The following CLVS1 variants were observed in gnomAD, a reference collection of about 807,000 sequenced individuals.
CLVS1 encodes clavesin-1.
CLVS1 carries 10 observed loss-of-function variants against 33.1 expected under a neutral mutation model. The observed-to-expected ratio is 0.30, with a 90% CI of 0.19 to 0.51. CLVS1 has a LOEUF of 0.51. Among genes scored for constraint, CLVS1 ranks in the 20% least tolerant of loss-of-function variants. The probability of loss-of-function intolerance (pLI) is 0.97; values close to 1 mark genes in which losing one functional copy is unlikely to be tolerated. For synonymous variants in CLVS1, 163 were observed against 166.1 expected, an observed-to-expected ratio of 0.98 and a Z score of 0.14; for missense variants, 343 against 433.4, an observed-to-expected ratio of 0.79 and a Z score of 1.85.
chr8:61,046,546 G>A, the CLVS1 span, among the ~76,000 whole-genome samples: 1 of 145,196 alleles, frequency 6.9e-6, no homozygotes, highest in African/African-American at 2.7e-5. Flanking sequence ...GTAGCTTGAT[G>A]GGGATGTCAT....
intron 2 of CLVS1, among the ~76,000 whole-genome samples, chr8:61,215,249 T>A (rs1392896019): frequency 6.6e-6 from 1 of 152,334 alleles, no homozygotes; most frequent in African/African-American, 2.4e-5. Flanking sequence ...TTTTAAGCTG[T>A]ATTAAATATC....
chr8:61,095,469 G>A (rs976437594), intron 1 of CLVS1, among the ~76,000 whole-genome samples: 3 of 152,156 alleles, frequency 2.0e-5, no homozygotes, highest in African/African-American at 7.2e-5. Flanking sequence ...CACACAGGGC[G>A]CGCCTAGGAG....
chr8:61,461,244 A>C (rs1313959446), intron 5 of CLVS1, among the ~76,000 whole-genome samples: 1 of 152,226 alleles, frequency 6.6e-6, no homozygotes, highest in Non-Finnish European at 1.5e-5. Flanking sequence ...TGAGTTATCC[A>C]ATTGGAAACT....
chr8:61,434,985 A>G (rs553364969), intron 3 of CLVS1, among the ~76,000 whole-genome samples: 1 of 152,336 alleles, frequency 6.6e-6, no homozygotes, highest in East Asian at 1.9e-4. Flanking sequence ...TTGTGTCACA[A>G]TGTTATGCCA....
At chr8:60,972,682 C>A in the CLVS1 span, among the ~76,000 whole-genome samples, 73 of 152,314 alleles carry the variant, frequency 4.8e-4, no homozygotes, top group Non-Finnish European at 7.8e-4. Flanking sequence ...TTGTGGCCCC[C>A]ACCCATAAGT....
intron 5 of CLVS1, chr8:61,458,758 T>A: frequency 2.2e-6 from 1 of 449,246 alleles, no homozygotes; most frequent in Non-Finnish European, 3.9e-6. Flanking sequence ...AAAGGAATAG[T>A]TAAAGGCTAG....
At chr8:61,323,494 C>G (rs963120594) in intron 2 of CLVS1, among the ~76,000 whole-genome samples, 3 of 152,084 alleles carry the variant, frequency 2.0e-5, no homozygotes, top group African/African-American at 7.2e-5. Context: ...CTATCCTTTG[C>G]CCAAAATAAT....
intron 3 of CLVS1, among the ~76,000 whole-genome samples, chr8:61,407,099 T>C (rs902726645): frequency 6.7e-5 from 10 of 148,550 alleles, no homozygotes; most frequent in South Asian, 2.1e-4. Flanking sequence ...ATGGTGTACA[T>C]TACATCGCAC....
rs113164114 is a variant in CLVS1 at position 61,412,020 on chromosome 8, A to T, written c.630+35241A>T. On this transcript the variant is annotated intron_variant, in intron 3 of 5. Transcript: ENST00000325897. ...GGGGCAGGGAAGCCTTCACTGAGAC[A>T]GGGTGAAGGCCAGGGCTGGCCAGTG... Among the ~76,000 whole-genome samples the T allele has an allele frequency of 4.9e-3, 753 of 152,310 alleles. 4 individuals carry two copies. Among genetic ancestry groups the T allele is most frequent in the African/African-American group, 0.017 (686 of 41,574 alleles).
chr8:61,217,009 T>A (rs1474104516), intron 2 of CLVS1, among the ~76,000 whole-genome samples: 2 of 152,190 alleles, frequency 1.3e-5, no homozygotes, highest in Non-Finnish European at 2.9e-5. Context: ...TCATCACTCA[T>A]CTAGGTCTAA....
chr8:61,305,856 G>C (rs763997719), intron 2 of CLVS1, among the ~76,000 whole-genome samples: 3 of 152,118 alleles, frequency 2.0e-5, no homozygotes, highest in Non-Finnish European at 4.4e-5. Flanking sequence ...ATGGCTTCCA[G>C]CTCCATCCAT....
At chr8:61,465,490 C>T (rs1162673985) in intron 5 of CLVS1, 1 of 152,028 alleles carries the variant, frequency 6.6e-6, no homozygotes, top group Non-Finnish European at 1.5e-5. Context: ...GTAGAAAAAA[C>T]AAAATAATGA....
chr8:61,253,675 C>A (rs1809001882), intron 2 of CLVS1, among the ~76,000 whole-genome samples: 1 of 152,246 alleles, frequency 6.6e-6, no homozygotes, highest in Middle Eastern at 3.4e-3. Context: ...TTCATTTGAT[C>A]TTCCATCACT....
chr8:61,321,209 C>T (rs1386884773), intron 2 of CLVS1, among the ~76,000 whole-genome samples: 1 of 152,056 alleles, frequency 6.6e-6, no homozygotes, highest in Non-Finnish European at 1.5e-5. Flanking sequence ...ATTCTGCATG[C>T]TTCAGTAGCT....
chr8:61,378,650 C>T (rs1813745274), intron 3 of CLVS1, among the ~76,000 whole-genome samples: 1 of 152,180 alleles, frequency 6.6e-6, no homozygotes, highest in Admixed American at 6.5e-5. Context: ...ATAGGGGCTC[C>T]ACCATCCCAT....
the CLVS1 span, among the ~76,000 whole-genome samples, chr8:61,043,302 C>G: frequency 6.6e-6 from 1 of 152,208 alleles, no homozygotes; most frequent in Non-Finnish European, 1.5e-5. Context: ...AAACTGCCTT[C>G]CCATATCAGG....
At chr8:61,186,298 C>A (rs1739286785) in intron 2 of CLVS1, among the ~76,000 whole-genome samples, 1 of 152,212 alleles carries the variant, frequency 6.6e-6, no homozygotes, top group Non-Finnish European at 1.5e-5. Context: ...GCTGAATAAA[C>A]TGATGTCATA....
chr8:61,319,487 C>T (rs975142164), intron 2 of CLVS1, among the ~76,000 whole-genome samples: 2 of 152,170 alleles, frequency 1.3e-5, no homozygotes, highest in African/African-American at 4.8e-5. Context: ...CTTCCAGCTC[C>T]TCATTTTATG....
intron 1 of CLVS1, among the ~76,000 whole-genome samples, chr8:61,077,050 A>G (rs1268629669): frequency 6.6e-6 from 1 of 151,940 alleles, no homozygotes; most frequent in East Asian, 1.9e-4. Context: ...GTCAGGACTT[A>G]GCTTAGAAAC....
Sources: gnomAD v4.1 joint callset for allele counts (sites outside exome capture counted in the v4.1 genomes callset) on GRCh38, gnomAD v4.1.1 for gene constraint, MANE v1.5 for transcripts, NCBI Gene and HGNC (gene_info 2026-07-23, HGNC 2026-07-21) for gene names.